SYNPO: variants seen among roughly 807,000 people sequenced by gnomAD.
The protein encoded by SYNPO is synaptopodin.
SYNPO carries 19 observed loss-of-function variants against 49.5 expected under a neutral mutation model. The observed-to-expected ratio is 0.38, with a 90% CI of 0.27 to 0.56. The LOEUF (loss-of-function observed/expected upper bound fraction) is 0.56. Among genes scored for constraint, SYNPO ranks in the 20% least tolerant of loss-of-function variants. The pLI is 0.68. For synonymous variants in SYNPO, 536 were observed against 548.0 expected (o/e 0.98, Z 0.31); for missense variants, 1,131 against 1,248.3 (o/e 0.91, Z 1.42).
At position 150,650,064 on chromosome 5, in the gene SYNPO, G is replaced by A; in HGVS notation, c.1789G>A (p.Asp597Asn). ...CTCGCCCGCCAAGCCCAGCTCCTTG[G>A]ACCTGGTGCCCAACCTGCCCAAGGG... Reference protein sequence around the residue: ...AASPAKPSSLDLVPNLPKGAL... With the variant: ...AASPAKPSSLNLVPNLPKGAL... Residue 597 changes from aspartate (D) to asparagine (N), a missense_variant, in exon 2 of 3, where the codon GAC (aspartate) becomes AAC (asparagine). Coordinates refer to ENST00000307662, the MANE Select transcript of SYNPO (RefSeq NM_007286.6). 1.2e-6 allele frequency: 2 copies of A among 1,613,272 alleles called. No homozygotes were observed. The highest frequency in any genetic ancestry group is 1.7e-5 in the Admixed American group (1 of 60,024).
At chr5:150,616,958 C>T (rs185539933) in intron 1 of SYNPO, among the ~76,000 whole-genome samples, 4 of 152,260 alleles carry the variant, frequency 2.6e-5, no homozygotes, top group Admixed American at 1.3e-4. Flanking sequence ...CAGCTCTCCT[C>T]ACCACATTTT....
chr5:150,640,825 G>T lies in SYNPO; in HGVS notation c.-362G>T. 1.0e-6 allele frequency: 1 copy of T among 985,636 alleles called. No homozygotes were observed. Among genetic ancestry groups the T allele is most frequent in the Non-Finnish European group, 1.2e-6 (1 of 829,964 alleles). The allele number at this position is 985,636 out of a possible 1,614,324, so 61.1% of individuals were successfully genotyped here. A position where few individuals can be genotyped will look rare whatever the true frequency, so the allele number is the denominator to read the frequency against. On this transcript the variant is annotated 5_prime_UTR_variant, in exon 1 of 3. Coordinates refer to ENST00000307662, the MANE Select transcript of SYNPO (RefSeq NM_007286.6). ...GAAGGCCGGCAGGAGCATCCAGGGG[G>T]AAGCTTGGCTTCAGGGAGGACCTAG...
intron 2 of SYNPO, chr5:150,618,771 A>T: frequency 6.4e-7 from 1 of 1,551,144 alleles, no homozygotes; most frequent in Non-Finnish European, 8.7e-7. Context: ...AAACCAGGTA[A>T]GCTTGTGTTC....
intron 2 of SYNPO, among the ~76,000 whole-genome samples, chr5:150,632,737 C>G (rs555898011): frequency 1.0e-3 from 159 of 152,282 alleles, no homozygotes; most frequent in African/African-American, 3.7e-3. Context: ...GCTGTCCTGC[C>G]CTCTTCCCCT....
intron 2 of SYNPO, among the ~76,000 whole-genome samples, chr5:150,633,350 C>T (rs1403717261): frequency 6.6e-6 from 1 of 152,204 alleles, no homozygotes; most frequent in African/African-American, 2.4e-5. Flanking sequence ...TCAGGTTGAA[C>T]TCAGATTAGT....
intron 2 of SYNPO, among the ~76,000 whole-genome samples, chr5:150,626,143 C>T (rs1297617132): frequency 2.0e-5 from 3 of 152,186 alleles, no homozygotes; most frequent in Non-Finnish European, 2.9e-5. Flanking sequence ...CGCCAGCCTG[C>T]CTTGTCACCA....
chr5:150,635,135 G>A (rs935820200), intron 2 of SYNPO, among the ~76,000 whole-genome samples: 5 of 152,256 alleles, frequency 3.3e-5, no homozygotes, highest in Non-Finnish European at 4.4e-5. Flanking sequence ...CACAAGGTGT[G>A]TACCTGATGC....
At chr5:150,640,924 C>A in intron 1 of SYNPO, 70 bp downstream of exon 1, 3 of 813,036 alleles carry the variant, frequency 3.7e-6, no homozygotes, top group Non-Finnish European at 4.5e-6. Flanking sequence ...GTGGCATCCC[C>A]CCTCTGATCT....
rs778765818 is a variant in SYNPO, at chr5:150,649,360, G to A, written c.1085G>A (p.Ser362Asn). ...CTGAAGGGCCAGGCGGTTCCTGCCA[G>A]CAAGACGGGCATTCTGGAGGAGTCG... ...SHLKGQAVPA[S>N]KTGILEESMA... The change falls in exon 2 of 3, where the codon AGC (serine) becomes AAC (asparagine). Residue 362 changes from serine to asparagine, a missense_variant. Ser to Asn is a conservative substitution (Grantham distance 46). This residue lies in a region of SYNPO where 602 missense variants were observed against 720.7 expected (regional missense o/e 0.84). Transcript: ENST00000307662. The A allele has an allele frequency of 1.9e-6, 3 of 1,614,222 alleles. No homozygotes were observed. The East Asian group carries it at 6.7e-5, about 36-fold the overall frequency.
intron 2 of SYNPO, among the ~76,000 whole-genome samples, chr5:150,626,282 G>A (rs926290577): frequency 8.5e-5 from 13 of 152,202 alleles, no homozygotes; most frequent in African/African-American, 3.1e-4. Context: ...AAACCCCCCG[G>A]GGAGCTGAAA....
the SYNPO span, among the ~76,000 whole-genome samples, chr5:150,594,187 G>A: frequency 6.6e-6 from 1 of 152,200 alleles, no homozygotes; most frequent in Non-Finnish European, 1.5e-5. Flanking sequence ...GCGGCTTGAG[G>A]GTGGCGTGGA....
At chr5:150,624,108 C>T (rs1456032690) in intron 2 of SYNPO, among the ~76,000 whole-genome samples, 1 of 152,216 alleles carries the variant, frequency 6.6e-6, no homozygotes, top group Non-Finnish European at 1.5e-5. Flanking sequence ...GAGCTGAGCC[C>T]CAGAGCTGCC....
chr5:150,598,378 G>A (rs1297319337), upstream of SYNPO, among the ~76,000 whole-genome samples: 2 of 152,208 alleles, frequency 1.3e-5, no homozygotes, highest in African/African-American at 4.8e-5. Context: ...TGCCGTGAAG[G>A]GCATAGGCTG....
chr5:150,591,518 T>C, the SYNPO span, among the ~76,000 whole-genome samples: 1 of 152,376 alleles, frequency 6.6e-6, no homozygotes, highest in Non-Finnish European at 1.5e-5. Flanking sequence ...CCGTCTCAGA[T>C]AGCCCCAAGC....
intron 1 of SYNPO, chr5:150,615,300 G>C (rs543018421): frequency 2.6e-5 from 4 of 152,320 alleles, no homozygotes; most frequent in Admixed American, 2.6e-4. Flanking sequence ...TTGTGTGGGT[G>C]GCGGAAAGTT....
chr5:150,615,400 C>A (rs7716648), intron 1 of SYNPO: 12,613 of 152,296 alleles, frequency 0.083, 1,199 homozygotes, highest in East Asian at 0.27. Context: ...GGCGAGGCCC[C>A]TGCGGGGAGT....
the SYNPO span, among the ~76,000 whole-genome samples, chr5:150,589,118 G>T: frequency 1.1e-3 from 161 of 151,310 alleles, 1 homozygote; most frequent in African/African-American, 3.8e-3. Context: ...CTGGAGTGCA[G>T]TGGTGTGATC....
At chr5:150,636,518 A>G (rs1757720322), upstream of SYNPO, among the ~76,000 whole-genome samples, 1 of 152,212 alleles carries the variant, frequency 6.6e-6, no homozygotes, top group Non-Finnish European at 1.5e-5. Flanking sequence ...CCCTGGAACC[A>G]AATCTCCTGA....
rs913658305 is a variant in SYNPO at position 150,651,831 on chromosome 5, C to T, written c.2028+1528C>T. The T allele has an allele frequency of 8.0e-6, 8 of 1,000,338 alleles. No homozygotes were observed. The African/African-American group carries it at 1.2e-4, about 15-fold the overall frequency. The allele number at this position is 1,000,338 out of a possible 1,614,324, so 62.0% of individuals were successfully genotyped here. On this transcript the variant is annotated intron_variant, in intron 2 of 2. Coordinates refer to ENST00000307662, the MANE Select transcript of SYNPO (RefSeq NM_007286.6). ...AGTCAGGTAGCTGGAGACTTCCCAT[C>T]GCCTCTGACACTTTTGGAGGTGATA...
Sources: allele counts gnomAD v4.1 joint callset (sites outside exome capture counted in the v4.1 genomes callset), GRCh38; gene constraint gnomAD v4.1.1; regional missense constraint gnomAD v4.1.1; transcripts MANE v1.5; gene names NCBI Gene and HGNC (gene_info 2026-07-23, HGNC 2026-07-21).